Variants in PRUNE2 observed in about 807,000 individuals in gnomAD.
The protein encoded by PRUNE2 is protein prune homolog 2.
A neutral mutation model predicts 252.0 loss-of-function variants in PRUNE2; 164 were observed. The ratio of observed to expected loss-of-function variants is 0.65; its 90% CI spans 0.57 to 0.74. The LOEUF is 0.74. PRUNE2 is among the 30% of genes least tolerant of loss of function. The pLI is 0.00. For synonymous variants in PRUNE2, 1,292 were observed against 1,350.2 expected (o/e 0.96, Z 0.94); for missense variants, 3,495 against 3,711.0 (o/e 0.94, Z 1.51).
chr9:76,868,896 C>G (rs1334986479), intron 1 of PRUNE2: 2 of 148,230 alleles, frequency 1.3e-5, no homozygotes, highest in African/African-American at 2.5e-5. Flanking sequence ...GTTCCCAGAA[C>G]TTTCTTTTGT....
At chr9:76,754,064 G>C (rs2050880586) in intron 6 of PRUNE2, among the ~76,000 whole-genome samples, 1 of 152,138 alleles carries the variant, frequency 6.6e-6, no homozygotes, top group Admixed American at 6.5e-5. Flanking sequence ...ACTGAGACTG[G>C]AACTCAAGTT....
intron 6 of PRUNE2, among the ~76,000 whole-genome samples, chr9:76,723,505 G>T (rs1375581574): frequency 2.0e-5 from 3 of 152,144 alleles, no homozygotes; most frequent in Admixed American, 2.0e-4. Context: ...GTTTGGTTTG[G>T]TTTTTTTCCT....
chr9:76,655,154 C>T (rs1191072689), intron 10 of PRUNE2, among the ~76,000 whole-genome samples: 1 of 152,056 alleles, frequency 6.6e-6, no homozygotes, highest in Non-Finnish European at 1.5e-5. Flanking sequence ...TATACAGTAG[C>T]CAATTATCAC....
At chr9:76,767,606 T>C (rs61401332) in intron 6 of PRUNE2, among the ~76,000 whole-genome samples, 20,844 of 152,228 alleles carry the variant, frequency 0.14, 2,324 homozygotes, top group East Asian at 0.39. Context: ...ACTACTCTCA[T>C]GGTTGTTTCC....
At chr9:76,698,855 A>G (rs2045631054) in intron 9 of PRUNE2, among the ~76,000 whole-genome samples, 1 of 152,212 alleles carries the variant, frequency 6.6e-6, no homozygotes, top group Non-Finnish European at 1.5e-5. Context: ...ATGCAGACAG[A>G]TCACCATAGA....
chr9:76,640,151 G>A (rs1191563437), intron 12 of PRUNE2, among the ~76,000 whole-genome samples: 1 of 152,164 alleles, frequency 6.6e-6, no homozygotes, highest in East Asian at 1.9e-4. Flanking sequence ...AGGAGGACAG[G>A]ACATACGCTT....
intron 1 of PRUNE2, among the ~76,000 whole-genome samples, 174 bp downstream of exon 1, chr9:76,905,754 T>C (rs112607798): frequency 2.8e-4 from 43 of 152,206 alleles, no homozygotes; most frequent in African/African-American, 9.6e-4. Flanking sequence ...TGGAGACAGA[T>C]TGCCAGCTTT....
rs949707960 is a variant in PRUNE2 at position 76,670,484 on chromosome 9, C to T, written c.8277-14982G>A. On this transcript the variant is annotated intron_variant, in intron 9 of 18. Coordinates refer to ENST00000376718, the MANE Select transcript of PRUNE2 (RefSeq NM_015225.3). ...GCAGTGAGGCTGGGGGAGGGGCGCC[C>T]ACCATTGCCCAGGCTTGATTAGGTA... 5.7e-3 allele frequency among the ~76,000 whole-genome samples: 869 copies of T among 151,646 alleles called. 12 individuals carry two copies. The highest frequency in any genetic ancestry group is 0.019 in the African/African-American group (804 of 41,520).
intron 5 of PRUNE2, among the ~76,000 whole-genome samples, chr9:76,825,967 A>G (rs1233596952): frequency 6.6e-6 from 1 of 152,186 alleles, no homozygotes. Context: ...TGCTCCTTCC[A>G]TCTTCTCAAA....
intron 9 of PRUNE2, among the ~76,000 whole-genome samples, chr9:76,694,997 G>A (rs914409109): frequency 2.0e-5 from 3 of 152,120 alleles, no homozygotes; most frequent in African/African-American, 7.2e-5. Flanking sequence ...TATAATAGAT[G>A]ACTAATTAAA....
intron 1 of PRUNE2, among the ~76,000 whole-genome samples, chr9:76,891,623 T>G (rs1027074757): frequency 2.0e-5 from 3 of 152,258 alleles, no homozygotes; most frequent in Non-Finnish European, 4.4e-5. Context: ...ATTTCACCGT[T>G]GAATAGCCTC....
chr9:76,708,028 G>T lies in PRUNE2; in HGVS notation c.4246C>A (p.Gln1416Lys). The T allele has an allele frequency of 6.2e-7, 1 of 1,613,932 alleles. No individual in the cohort carries two copies. Among genetic ancestry groups the T allele is most frequent in the Non-Finnish European group, 8.5e-7 (1 of 1,179,866 alleles). Reference sequence around the variant, plus strand: ...AGGTTATCTGCGGACATCCCTGTTTGCACATCACGGGAGTCTAGATTGTAA... The same window carrying T: ...AGGTTATCTGCGGACATCCCTGTTTTCACATCACGGGAGTCTAGATTGTAA... ...GSYNLDSRDV[Q>K]TGMSADNLQP... Residue 1416 changes from glutamine to lysine, a missense_variant, in exon 8 of 19, where the codon CAA becomes AAA. By Grantham distance (53) the Gln-to-Lys change is moderately conservative. Transcript: ENST00000376718.
At chr9:76,839,100 A>G (rs112315776) in intron 4 of PRUNE2, among the ~76,000 whole-genome samples, 5,448 of 152,288 alleles carry the variant, frequency 0.036, 313 homozygotes, top group African/African-American at 0.12. Context: ...ACAACGTCCA[A>G]ATTTTACACA....
intron 9 of PRUNE2, chr9:76,692,212 C>T (rs1034552711): frequency 4.2e-6 from 3 of 715,260 alleles, no homozygotes; most frequent in Non-Finnish European, 7.8e-6. Flanking sequence ...TCTGGCACAT[C>T]TAAATAAGGA....
intron 1 of PRUNE2, among the ~76,000 whole-genome samples, chr9:76,893,618 T>C (rs151151114): frequency 4.6e-5 from 7 of 152,356 alleles, no homozygotes; most frequent in Middle Eastern, 6.8e-3. Flanking sequence ...TGTGTATGAA[T>C]TGATTTGTAC....
At chr9:76,826,764 C>T (rs545991363) in intron 4 of PRUNE2, 32 bp from the exon 5 acceptor site, 5 of 1,539,858 alleles carry the variant, frequency 3.2e-6, no homozygotes, top group Admixed American at 1.9e-5. Flanking sequence ...GCTCTTAAAG[C>T]TTTCCAGCCA....
intron 6 of PRUNE2, among the ~76,000 whole-genome samples, chr9:76,774,305 T>C (rs1421413564): frequency 6.6e-6 from 1 of 151,660 alleles, no homozygotes; most frequent in East Asian, 1.9e-4. Context: ...CCAGTTAATT[T>C]TTTGTATTTT....
At chr9:76,737,461 T>C (rs1015570900) in intron 6 of PRUNE2, 2 of 152,238 alleles carry the variant, frequency 1.3e-5, no homozygotes, top group Non-Finnish European at 2.9e-5. Flanking sequence ...GGTCCCGTAT[T>C]CAGAAACTGT....
chr9:76,736,503 T>C (rs139016367), intron 6 of PRUNE2: 24 of 152,362 alleles, frequency 1.6e-4, no homozygotes, highest in African/African-American at 5.8e-4. Context: ...TTCACAGTTC[T>C]GGAAGACGGA....
Sources: allele counts gnomAD v4.1 joint callset (sites outside exome capture counted in the v4.1 genomes callset), GRCh38; gene constraint gnomAD v4.1.1; transcripts MANE v1.5; gene names NCBI Gene and HGNC (gene_info 2026-07-23, HGNC 2026-07-21).